Variants in RUFY1 observed in about 807,000 individuals in gnomAD.
The protein encoded by RUFY1 is RUN and FYVE domain containing 1, also known as RUN and FYVE domain-containing protein 1.
A neutral mutation model predicts 94.6 loss-of-function variants in RUFY1; 54 were observed. The observed-to-expected ratio is 0.57, with a 90% CI of 0.46 to 0.72. The LOEUF (loss-of-function observed/expected upper bound fraction) is 0.72. Ranked by LOEUF, RUFY1 falls within the 30% of genes least tolerant of loss-of-function variation. The pLI, the probability that RUFY1 is intolerant of heterozygous loss-of-function variation, is 0.00. For missense variants in RUFY1, 883 were observed against 883.9 expected (o/e 1.00, Z 0.01); for synonymous variants, 396 against 347.3 (o/e 1.14, Z -1.56).
At chr5:179,564,014 G>A (rs1038257045) in intron 3 of RUFY1, among the ~76,000 whole-genome samples, 9 of 151,634 alleles carry the variant, frequency 5.9e-5, no homozygotes, top group East Asian at 3.9e-4. Flanking sequence ...ACTGCCCTGC[G>A]TCTTCAGTTG....
intron 3 of RUFY1, among the ~76,000 whole-genome samples, chr5:179,563,888 T>A (rs1762625383): frequency 6.6e-6 from 1 of 152,036 alleles, no homozygotes; most frequent in Non-Finnish European, 1.5e-5. Context: ...GCCAGGCTAG[T>A]CTCAAACTCC....
Position 179,593,651 on chromosome 5 carries a change from A to G in RUFY1, c.1413+6A>G. On this transcript the variant is annotated splice_donor_region_variant and intron_variant, in intron 11 of 17. Transcript: ENST00000319449. ...AGATGTTTCACAAAGCTCAGGTGGG[A>G]GTTGGCTTTGTGTCCATGGCACAGC... 1 of 1,612,738 alleles carries G rather than the reference A, an allele frequency of 6.2e-7. No individual in the cohort carries two copies. The highest frequency in any genetic ancestry group is 1.3e-5 in the African/African-American group (1 of 75,002).
intron 3 of RUFY1, among the ~76,000 whole-genome samples, chr5:179,566,033 C>T (rs958385899): frequency 6.6e-6 from 1 of 151,728 alleles, no homozygotes; most frequent in Non-Finnish European, 1.5e-5. Flanking sequence ...CCAGCTACTC[C>T]GGAGGCTTAA....
intron 2 of RUFY1, among the ~76,000 whole-genome samples, chr5:179,560,555 T>TAAAA (rs35636829): frequency 7.0e-6 from 1 of 143,794 alleles, no homozygotes; most frequent in African/African-American, 2.6e-5. Context: ...CGGTCTCTAC[T>TAAAA]AAAAAAAAAA....
At chr5:179,596,887 C>T in intron 13 of RUFY1, 1 of 580,526 alleles carries the variant, frequency 1.7e-6, no homozygotes, top group Non-Finnish European at 2.8e-6. Context: ...CGTGGTCCAG[C>T]TCGCCTCCAG....
intron 1 of RUFY1, among the ~76,000 whole-genome samples, chr5:179,555,465 A>C (rs1426192182): frequency 6.6e-6 from 1 of 152,082 alleles, no homozygotes; most frequent in Non-Finnish European, 1.5e-5. Flanking sequence ...CTCTAACTTG[A>C]GTGCTAATGG....
intron 7 of RUFY1, among the ~76,000 whole-genome samples, chr5:179,584,176 T>C (rs1026274087): frequency 1.1e-4 from 16 of 152,158 alleles, no homozygotes; most frequent in Admixed American, 1.0e-3. Flanking sequence ...CCCTTTTTCA[T>C]TTTGTGTCTT....
intron 2 of RUFY1, among the ~76,000 whole-genome samples, chr5:179,560,737 AAAAAAAG>A (rs774003300): frequency 2.1e-4 from 31 of 150,592 alleles, no homozygotes; most frequent in African/African-American, 3.0e-4. Context: ...AAAAAAAAAA[AAAAAAAG>A]AAAAAAGAAA....
At chr5:179,608,524 C>T in intron 17 of RUFY1, 1 of 985,542 alleles carries the variant, frequency 1.0e-6, no homozygotes, top group Non-Finnish European at 1.2e-6. Flanking sequence ...GGGATCTACT[C>T]CACCCCCTTG....
rs1762341690 is a variant in RUFY1, at chr5:179,560,309, A to G, written c.484+111A>G. On this transcript the variant is annotated intron_variant, in intron 2 of 17. Transcript: ENST00000319449. ...AGATGCTGAAATGCCAGCAGTGTACAGAACAGGCAAGGTTCCTGTATTCAG... is the reference window on the plus strand; with the variant it reads ...AGATGCTGAAATGCCAGCAGTGTACGGAACAGGCAAGGTTCCTGTATTCAG... 3 of 1,332,290 alleles carry G rather than the reference A, an allele frequency of 2.3e-6. No individual in the cohort carries two copies. In the East Asian group the frequency reaches 7.6e-5, roughly 34 times the overall value. 82.5% of individuals were successfully genotyped at this position (1,332,290 alleles called of 1,614,324 possible).
At chr5:179,589,675 C>T (rs375201484) in intron 9 of RUFY1, 28 bp downstream of exon 9, 3 of 1,484,510 alleles carry the variant, frequency 2.0e-6, no homozygotes, top group African/African-American at 1.4e-5. Context: ...ATTTGGGCAG[C>T]ATGTTTCTCA....
intron 3 of RUFY1, among the ~76,000 whole-genome samples, chr5:179,565,687 G>A (rs778503346): frequency 1.3e-4 from 19 of 151,834 alleles, no homozygotes; most frequent in Admixed American, 6.6e-4. Flanking sequence ...GTTTAACCCC[G>A]CCTTGTGGCT....
chr5:179,588,939 C>T (rs1764824099), intron 8 of RUFY1, among the ~76,000 whole-genome samples: 1 of 152,088 alleles, frequency 6.6e-6, no homozygotes, highest in Non-Finnish European at 1.5e-5. Flanking sequence ...CCATGTTGCC[C>T]AGGCTGGTCT....
intron 3 of RUFY1, among the ~76,000 whole-genome samples, chr5:179,564,885 TA>T (rs1386658758): frequency 3.3e-5 from 5 of 151,992 alleles, no homozygotes; most frequent in Non-Finnish European, 7.4e-5. Context: ...ACTAAAGCTA[TA>T]AAAAAAGTAA....
At chr5:179,579,229 C>T (rs1039083948) in intron 6 of RUFY1, among the ~76,000 whole-genome samples, 4 of 152,346 alleles carry the variant, frequency 2.6e-5, no homozygotes, top group African/African-American at 9.6e-5. Flanking sequence ...AAGCTTCATG[C>T]ATCCTAAGTA....
chr5:179,592,243 CAG>C (rs1765181445), intron 10 of RUFY1, among the ~76,000 whole-genome samples: 1 of 152,178 alleles, frequency 6.6e-6, no homozygotes, highest in Non-Finnish European at 1.5e-5. Flanking sequence ...CCTCAGCCTC[CAG>C]AGTAGCTGGG....
intron 5 of RUFY1, 124 bp from the exon 6 acceptor site, chr5:179,576,951 G>A (rs1273321157): frequency 1.4e-6 from 1 of 690,206 alleles, no homozygotes; most frequent in East Asian, 2.6e-5. Flanking sequence ...ACTTCATAGA[G>A]CTGGCTGACC....
chr5:179,580,010 GTATC>G (rs947235916), intron 6 of RUFY1, among the ~76,000 whole-genome samples: 5 of 151,832 alleles, frequency 3.3e-5, no homozygotes, highest in African/African-American at 9.7e-5. Flanking sequence ...AATAAACTGA[GTATC>G]TACCAGTCAG....
rs1251543922 is a variant in RUFY1, at chr5:179,593,415, C to T, written c.1246-63C>T. 1.3e-5 allele frequency: 20 copies of T among 1,541,456 alleles called. No individual in the cohort carries two copies. The East Asian group carries it at 4.4e-4, about 34-fold the overall frequency. ...TTTTAAGCATTACCTGAGATTCAAC[C>T]CCAGTTAAATACATTTCTGTGATCT... is the stretch of plus-strand genomic sequence containing the variant. On this transcript the variant is annotated intron_variant, in intron 10 of 17. Coordinates refer to ENST00000319449, the MANE Select transcript of RUFY1 (RefSeq NM_025158.5).
Sources: gnomAD v4.1 joint callset for allele counts (sites outside exome capture counted in the v4.1 genomes callset) on GRCh38, gnomAD v4.1.1 for gene constraint, MANE v1.5 for transcripts, NCBI Gene and HGNC (gene_info 2026-07-23, HGNC 2026-07-21) for gene names.